LEMD3: variants seen among roughly 807,000 people sequenced by gnomAD.
LEMD3 encodes inner nuclear membrane protein Man1.
Under a neutral mutation model 95.2 loss-of-function variants are expected in LEMD3, and 33 were observed. That is an observed-to-expected ratio of 0.35 (90% CI 0.26 to 0.46). The LOEUF (loss-of-function observed/expected upper bound fraction) is 0.46. Among genes scored for constraint, LEMD3 ranks in the 20% least tolerant of loss-of-function variants. LEMD3 has a pLI of 1.00. For synonymous variants in LEMD3, 525 were observed against 474.6 expected, an observed-to-expected ratio of 1.11 and a Z score of -1.38; for missense variants, 1,210 against 1,192.8, an observed-to-expected ratio of 1.01 and a Z score of -0.21.
chr12:65,203,822 A>G (rs1869678870), intron 1 of LEMD3, among the ~76,000 whole-genome samples: 2 of 152,186 alleles, frequency 1.3e-5, no homozygotes, highest in African/African-American at 4.8e-5. Flanking sequence ...GTTGTTAGGT[A>G]CATAAACATT....
intron 4 of LEMD3, among the ~76,000 whole-genome samples, chr12:65,237,918 C>T (rs1870818047): frequency 6.6e-6 from 1 of 152,192 alleles, no homozygotes; most frequent in East Asian, 1.9e-4. Flanking sequence ...AATAATATTG[C>T]ATTTTTAAAA....
chr12:65,232,963 T>C (rs1314698396), intron 4 of LEMD3, among the ~76,000 whole-genome samples: 2 of 152,172 alleles, frequency 1.3e-5, no homozygotes, highest in East Asian at 3.8e-4. Context: ...AGAATGCTAA[T>C]TACTGTTAAT....
chr12:65,216,374 G>C (rs1288933147), intron 3 of LEMD3, among the ~76,000 whole-genome samples: 1 of 151,804 alleles, frequency 6.6e-6, no homozygotes, highest in Non-Finnish European at 1.5e-5. Context: ...CTAAAATCTT[G>C]GATTAAATAT....
At chr12:65,203,254 C>T (rs1300064274) in intron 1 of LEMD3, among the ~76,000 whole-genome samples, 1 of 148,358 alleles carries the variant, frequency 6.7e-6, no homozygotes, top group African/African-American at 2.5e-5. Context: ...GTATGAATAA[C>T]TCCCACATGC....
intron 9 of LEMD3, 94 bp downstream of exon 9, chr12:65,241,181 T>A: frequency 9.3e-7 from 1 of 1,076,954 alleles, no homozygotes; most frequent in Non-Finnish European, 1.4e-6. Flanking sequence ...CAAAGATGTA[T>A]GAAGGCAAAA....
intron 2 of LEMD3, among the ~76,000 whole-genome samples, chr12:65,214,098 C>T (rs776520861): frequency 6.6e-6 from 1 of 152,198 alleles, no homozygotes; most frequent in South Asian, 2.1e-4. Context: ...TGGATTCTCG[C>T]TCTGTCACCA....
chr12:65,211,130 A>T (rs1010486848), intron 2 of LEMD3, among the ~76,000 whole-genome samples, 167 bp downstream of exon 2: 1 of 152,224 alleles, frequency 6.6e-6, no homozygotes, highest in African/African-American at 2.4e-5. Flanking sequence ...TTAGTCTAAA[A>T]CAATAGGCTT....
intron 1 of LEMD3, among the ~76,000 whole-genome samples, chr12:65,186,973 A>G (rs1869086859): frequency 6.6e-6 from 1 of 152,084 alleles, no homozygotes; most frequent in South Asian, 2.1e-4. Flanking sequence ...TTTAATTTGC[A>G]AGGACTTTTA....
At chr12:65,185,134 A>G (rs1869021547) in intron 1 of LEMD3, among the ~76,000 whole-genome samples, 1 of 152,092 alleles carries the variant, frequency 6.6e-6, no homozygotes, top group African/African-American at 2.4e-5. Context: ...CATCTACTTT[A>G]AACTAAATGT....
intron 1 of LEMD3, among the ~76,000 whole-genome samples, chr12:65,179,349 C>T (rs1295956894): frequency 6.6e-6 from 1 of 151,904 alleles, no homozygotes; most frequent in East Asian, 1.9e-4. Context: ...TTCATGATTC[C>T]TAAGAGTTGG....
intron 1 of LEMD3, among the ~76,000 whole-genome samples, chr12:65,209,980 T>C (rs948006576): frequency 3.3e-5 from 5 of 152,134 alleles, no homozygotes; most frequent in Non-Finnish European, 7.4e-5. Context: ...ATATAAAATA[T>C]AAAAGTTTAC....
At chr12:65,219,426 G>T (rs1328703953) in intron 4 of LEMD3, among the ~76,000 whole-genome samples, 1 of 152,072 alleles carries the variant, frequency 6.6e-6, no homozygotes, top group Non-Finnish European at 1.5e-5. Context: ...GCTTGTTGTC[G>T]GTCCAGTTCC....
At chr12:65,175,818 A>T (rs538932881) in intron 1 of LEMD3, among the ~76,000 whole-genome samples, 1 of 152,294 alleles carries the variant, frequency 6.6e-6, no homozygotes. Context: ...TACTAGAAGT[A>T]TGTACCAATA....
intron 1 of LEMD3, among the ~76,000 whole-genome samples, chr12:65,186,456 C>T (rs1295697399): frequency 6.6e-6 from 1 of 151,862 alleles, no homozygotes; most frequent in Non-Finnish European, 1.5e-5. Flanking sequence ...AAATATTACT[C>T]ATTTACTTTG....
intron 1 of LEMD3, among the ~76,000 whole-genome samples, chr12:65,189,755 C>T (rs868048795): frequency 9.9e-5 from 15 of 152,234 alleles, no homozygotes; most frequent in Non-Finnish European, 1.8e-4. Flanking sequence ...ATACGTGCAG[C>T]GAGAGTAGTG....
At chr12:65,177,994 A>G (rs1868779102) in intron 1 of LEMD3, among the ~76,000 whole-genome samples, 1 of 151,944 alleles carries the variant, frequency 6.6e-6, no homozygotes. Flanking sequence ...ATAGATCTGC[A>G]TCACCACATC....
intron 1 of LEMD3, among the ~76,000 whole-genome samples, chr12:65,201,734 GT>G: frequency 6.6e-6 from 1 of 152,142 alleles, no homozygotes; most frequent in South Asian, 2.1e-4. Context: ...TGTGAACAAA[GT>G]TTTATTTCTT....
chr12:65,173,444 G>T (rs1478421783), intron 1 of LEMD3, among the ~76,000 whole-genome samples: 1 of 152,144 alleles, frequency 6.6e-6, no homozygotes, highest in Non-Finnish European at 1.5e-5. Context: ...AGTAATCTGG[G>T]CGTTGGAAAG....
chr12:65,170,274 C>T lies in LEMD3; in HGVS notation c.678C>T (p.Asp226=), dbSNP rs1305874950. 6.4e-7 allele frequency: 1 copy of T among 1,567,444 alleles called. No homozygotes were observed. The change falls in exon 1 of 13, where the codon GAC becomes GAT. Residue 226 remains aspartate (D), a synonymous_variant. Coordinates refer to ENST00000308330, the MANE Select transcript of LEMD3 (RefSeq NM_014319.5). The stretch of plus-strand genomic sequence containing the variant: ...AGGACGAGGAAGGGGAGGGAGAGGA[C>T]GGTGAGGAGAGGGACCCGGAGACCG... ...AVEDEEGEGE[D]GEERDPETEE...
Sources: gnomAD v4.1 joint callset for allele counts (sites outside exome capture counted in the v4.1 genomes callset) on GRCh38, gnomAD v4.1.1 for gene constraint, MANE v1.5 for transcripts, NCBI Gene and HGNC (gene_info 2026-07-23, HGNC 2026-07-21) for gene names.